Variants in CNOT6L observed in about 807,000 individuals in gnomAD.
The protein encoded by CNOT6L is CCR4-NOT transcription complex subunit 6-like.
CNOT6L carries 7 observed loss-of-function variants against 64.0 expected under a neutral mutation model. The ratio of observed to expected loss-of-function variants is 0.11; its 90% confidence interval spans 0.06 to 0.21. The LOEUF (loss-of-function observed/expected upper bound fraction) is 0.21. CNOT6L is among the 10% of genes least tolerant of loss of function. The pLI is 1.00. For missense variants in CNOT6L, 245 were observed against 669.0 expected (o/e 0.37, Z 6.99); for synonymous variants, 193 against 243.4 (o/e 0.79, Z 1.93).
chr4:77,745,394 T>A lies in CNOT6L; in HGVS notation c.560-519A>T, dbSNP rs188431409. The stretch of plus-strand genomic sequence containing the variant: ...GTTCATTTCTGAAATAAAATGCTCA[T>A]TTTTAAATGTCCTTTAACTATAAAA... On this transcript the variant is annotated intron_variant, in intron 6 of 11. Coordinates refer to ENST00000504123, the MANE Select transcript of CNOT6L (RefSeq NM_144571.3). Among the ~76,000 whole-genome samples, 131 of 152,316 alleles carry A rather than the reference T, an allele frequency of 8.6e-4. 1 individual carries two copies. Among genetic ancestry groups the A allele is most frequent in the African/African-American group, 3.1e-3 (129 of 41,568 alleles).
intron 1 of CNOT6L, among the ~76,000 whole-genome samples, chr4:77,788,706 C>T (rs1245616054): frequency 1.3e-5 from 2 of 151,596 alleles, no homozygotes; most frequent in African/African-American, 2.4e-5. Flanking sequence ...CCAGCATGGG[C>T]GACAGAGCAA....
intron 1 of CNOT6L, among the ~76,000 whole-genome samples, chr4:77,796,122 T>C (rs13144225): frequency 0.86 from 130,899 of 151,796 alleles, 56,680 homozygotes; most frequent in Non-Finnish European, 0.9. Flanking sequence ...AAGCATAATA[T>C]CTAATAGGTA....
chr4:77,784,128 G>A (rs1005127215), intron 1 of CNOT6L, among the ~76,000 whole-genome samples: 1 of 152,020 alleles, frequency 6.6e-6, no homozygotes, highest in Admixed American at 6.6e-5. Flanking sequence ...TAGTCTAATC[G>A]TCAGTTACAG....
chr4:77,806,427 A>G (rs76789338), intron 1 of CNOT6L, among the ~76,000 whole-genome samples: 7 of 148,348 alleles, frequency 4.7e-5, no homozygotes, highest in African/African-American at 1.7e-4. Context: ...CTCTGTCTCA[A>G]AAAAAAAAAA....
chr4:77,723,437 C>T (rs1453307349), intron 11 of CNOT6L, among the ~76,000 whole-genome samples: 1 of 152,180 alleles, frequency 6.6e-6, no homozygotes, highest in Non-Finnish European at 1.5e-5. Flanking sequence ...ATGCTGATCA[C>T]ATGGCATTTT....
chr4:77,742,069 CA>C, intron 8 of CNOT6L, 71 bp downstream of exon 8: 1 of 1,411,710 alleles, frequency 7.1e-7, no homozygotes, highest in Non-Finnish European at 9.6e-7. Context: ...AGGGCAAAAC[CA>C]AAGACAATTT....
chr4:77,738,497 T>C (rs1723212224), intron 8 of CNOT6L, among the ~76,000 whole-genome samples: 1 of 152,158 alleles, frequency 6.6e-6, no homozygotes, highest in African/African-American at 2.4e-5. Flanking sequence ...CTCACGCCTG[T>C]AATCCCAGCA....
At chr4:77,786,561 C>A (rs777188323) in intron 1 of CNOT6L, among the ~76,000 whole-genome samples, 11 of 152,058 alleles carry the variant, frequency 7.2e-5, no homozygotes, top group Non-Finnish European at 1.3e-4. Flanking sequence ...GGAGTCTTGA[C>A]CTCCTGGGTG....
intron 1 of CNOT6L, among the ~76,000 whole-genome samples, chr4:77,795,867 G>A (rs980889040): frequency 6.6e-6 from 1 of 152,106 alleles, no homozygotes; most frequent in East Asian, 1.9e-4. Context: ...TTATATTCAT[G>A]GGTCAGAAGA....
chr4:77,742,444 G>A (rs1663681166), intron 7 of CNOT6L, 149 bp from the exon 8 acceptor site: 1 of 795,056 alleles, frequency 1.3e-6, no homozygotes, highest in Non-Finnish European at 2.1e-6. Context: ...ATTGCTAGCA[G>A]CTGCTACTTG....
chr4:77,739,417 C>G (rs1214131233), intron 8 of CNOT6L, among the ~76,000 whole-genome samples: 1 of 152,166 alleles, frequency 6.6e-6, no homozygotes, highest in East Asian at 1.9e-4. Flanking sequence ...TCCAGAAATG[C>G]TAAGTCTTTC....
In CNOT6L at chr4:77,719,448, T is replaced by C. The variant is rs1006012904; in HGVS notation, c.*983A>G. 8.5e-5 allele frequency: 13 copies of C among 152,606 alleles called. No individual in the cohort carries two copies. Among genetic ancestry groups the C allele is most frequent in the Admixed American group, 7.2e-4 (11 of 15,260 alleles). 9.5% of individuals were successfully genotyped at this position (152,606 alleles called of 1,614,324 possible). A position where few individuals can be genotyped will look rare whatever the true frequency, so the allele number is the denominator to read the frequency against. On this transcript the variant is annotated 3_prime_UTR_variant, in exon 12 of 12. Coordinates refer to ENST00000504123, the MANE Select transcript of CNOT6L (RefSeq NM_144571.3). ...ATCTATGTTGGAAACACATAAAATA[T>C]CTGTATGATTTTCCCCATCTGAAAC...
intron 1 of CNOT6L, among the ~76,000 whole-genome samples, chr4:77,811,827 C>T (rs905012679): frequency 6.6e-6 from 1 of 151,758 alleles, no homozygotes; most frequent in South Asian, 2.1e-4. Context: ...CACTACTTTC[C>T]GCACACTGCC....
intron 1 of CNOT6L, 199 bp downstream of exon 1, chr4:77,819,105 C>T (rs930782117): frequency 2.1e-6 from 2 of 955,716 alleles, no homozygotes; most frequent in Admixed American, 2.0e-5. Flanking sequence ...TCTGAAGAGA[C>T]GCGGGTCAGC....
At chr4:77,754,757 T>C (rs1482227401) in intron 5 of CNOT6L, among the ~76,000 whole-genome samples, 1 of 151,698 alleles carries the variant, frequency 6.6e-6, no homozygotes, top group African/African-American at 2.4e-5. Context: ...TACACATACA[T>C]TGACACCTGA....
At chr4:77,798,469 A>T (rs1164192709) in intron 1 of CNOT6L, among the ~76,000 whole-genome samples, 1 of 152,218 alleles carries the variant, frequency 6.6e-6, no homozygotes, top group Non-Finnish European at 1.5e-5. Flanking sequence ...TTTAATAGAC[A>T]CTTCACCAAA....
chr4:77,809,627 A>G (rs1201489072), intron 1 of CNOT6L, among the ~76,000 whole-genome samples: 1 of 152,160 alleles, frequency 6.6e-6, no homozygotes, highest in Non-Finnish European at 1.5e-5. Flanking sequence ...CATTATGATC[A>G]GAAAGCAATG....
At chr4:77,755,676 A>G (rs1472743349) in intron 5 of CNOT6L, among the ~76,000 whole-genome samples, 7 of 152,150 alleles carry the variant, frequency 4.6e-5, no homozygotes, top group African/African-American at 1.7e-4. Flanking sequence ...TAAACTTTTC[A>G]GATAATATTA....
chr4:77,748,506 C>A, intron 5 of CNOT6L, 122 bp from the exon 6 acceptor site: 1 of 676,814 alleles, frequency 1.5e-6, no homozygotes, highest in South Asian at 1.7e-5. Flanking sequence ...CTGACTTAAT[C>A]TAATGCTGAA....
Sources: gnomAD v4.1 joint callset for allele counts (sites outside exome capture counted in the v4.1 genomes callset) on GRCh38, gnomAD v4.1.1 for gene constraint, MANE v1.5 for transcripts, NCBI Gene and HGNC (gene_info 2026-07-23, HGNC 2026-07-21) for gene names.